Variants in PCBP3 observed in about 807,000 individuals in gnomAD.
PCBP3 encodes poly(rC) binding protein 3.
In PCBP3, 25 loss-of-function variants were observed where a neutral mutation model predicts 52.7. The ratio of observed to expected loss-of-function variants is 0.47; its 90% CI spans 0.35 to 0.66. The LOEUF (loss-of-function observed/expected upper bound fraction) is 0.66, where lower values mean the gene tolerates loss of function less well. PCBP3 is among the 30% of genes least tolerant of loss of function. PCBP3 has a pLI of 0.01. For synonymous variants in PCBP3, 162 were observed against 183.0 expected (o/e 0.89, Z 0.93); for missense variants, 391 against 490.3 (o/e 0.80, Z 1.91).
At chr21:45,901,744 A>AGAGACAGAGAGAGGAG (rs1569474835) in intron 9 of PCBP3, among the ~76,000 whole-genome samples, 10 of 86,760 alleles carry the variant, frequency 1.2e-4, no homozygotes, top group Non-Finnish European at 1.6e-4. Flanking sequence ...GAGAGACAGA[A>AGAGACAGAGAGAGGAG]AGAGAGAGAG....
chr21:45,816,309 T>G (rs1210575610), intron 4 of PCBP3, among the ~76,000 whole-genome samples: 1 of 152,110 alleles, frequency 6.6e-6, no homozygotes, highest in East Asian at 1.9e-4. Flanking sequence ...AACCTTTAGA[T>G]TTATTTTTTA....
chr21:45,776,843 C>T (rs1057000788), intron 4 of PCBP3, among the ~76,000 whole-genome samples: 1 of 152,098 alleles, frequency 6.6e-6, no homozygotes, highest in African/African-American at 2.4e-5. Flanking sequence ...GAGCATTTAA[C>T]CTGTTTGCAT....
chr21:45,799,826 G>A (rs575663835), intron 4 of PCBP3, among the ~76,000 whole-genome samples: 32 of 152,330 alleles, frequency 2.1e-4, no homozygotes, highest in Non-Finnish European at 1.2e-4. Context: ...CAAAATTAAT[G>A]CCGCAGAATA....
intron 2 of PCBP3, among the ~76,000 whole-genome samples, chr21:45,703,467 T>C (rs574208950): frequency 3.3e-5 from 5 of 152,214 alleles, no homozygotes; most frequent in Non-Finnish European, 5.9e-5. Flanking sequence ...AGCTCTTGGG[T>C]GCATTGTTCA....
chr21:45,648,932 T>G (rs755439762), intron 1 of PCBP3, among the ~76,000 whole-genome samples: 3 of 152,258 alleles, frequency 2.0e-5, no homozygotes, highest in Non-Finnish European at 4.4e-5. Context: ...GATGAACAGA[T>G]GTTCAGTTTT....
chr21:45,778,788 G>T lies in PCBP3; in HGVS notation c.-126+23336G>T, dbSNP rs143800659. ...GCTGGGTGGGCTTGTGTTCAAGCAA[G>T]ACCCCCCAGTAGTGAGGGCAGGTAC... On this transcript the variant is annotated intron_variant, in intron 4 of 17. Coordinates refer to ENST00000681687, the MANE Select transcript of PCBP3 (RefSeq NM_001384156.1). Among the ~76,000 whole-genome samples, 38 of 152,284 alleles carry T rather than the reference G, an allele frequency of 2.5e-4. No individual in the cohort carries two copies. The East Asian group carries it at 6.8e-3, about 27-fold the overall frequency.
chr21:45,839,662 T>C (rs964975), intron 4 of PCBP3, among the ~76,000 whole-genome samples: 128,866 of 152,234 alleles, frequency 0.85, 54,673 homozygotes, highest in African/African-American at 0.86. Context: ...CCTACGCTAA[T>C]GTGTGTGTTT....
intron 5 of PCBP3, among the ~76,000 whole-genome samples, chr21:45,876,772 C>T (rs1004318341): frequency 4.6e-5 from 7 of 152,268 alleles, no homozygotes; most frequent in African/African-American, 7.2e-5. Context: ...CCACCCACCC[C>T]GCACTGTGTT....
chr21:45,684,241 A>G lies in PCBP3; in HGVS notation c.-200+15289A>G, dbSNP rs556002124. ...ACCCTGTCTCTAAAAACAAAAGCAA[A>G]CAAACAAAAAAGTAATAAGGTCCTG... is the stretch of plus-strand genomic sequence containing the variant. On this transcript the variant is annotated intron_variant, in intron 2 of 17. Transcript: ENST00000681687. Among the ~76,000 whole-genome samples, 6 of 152,236 alleles carry G rather than the reference A, an allele frequency of 3.9e-5. No individual in the cohort carries two copies. The South Asian group carries it at 1.2e-3, about 32-fold the overall frequency.
intron 2 of PCBP3, among the ~76,000 whole-genome samples, chr21:45,718,935 G>A (rs2084415933): frequency 6.6e-6 from 1 of 152,168 alleles, no homozygotes; most frequent in Non-Finnish European, 1.5e-5. Context: ...GTTTGGAAAA[G>A]AACAGCAGTG....
chr21:45,899,463 C>T (rs1046005948), intron 6 of PCBP3, 136 bp from the exon 7 acceptor site: 5 of 662,368 alleles, frequency 7.5e-6, no homozygotes, highest in Non-Finnish European at 1.4e-5. Flanking sequence ...TGAATTCTCC[C>T]TTCTTCATGC....
intron 3 of PCBP3, among the ~76,000 whole-genome samples, chr21:45,745,562 A>G (rs775207032): frequency 1.3e-4 from 20 of 152,208 alleles, no homozygotes; most frequent in Non-Finnish European, 2.4e-4. Context: ...GGACAACTTC[A>G]TTTTAAGAAC....
intron 5 of PCBP3, among the ~76,000 whole-genome samples, chr21:45,856,735 G>A (rs1011550478): frequency 1.3e-5 from 2 of 152,202 alleles, no homozygotes; most frequent in Non-Finnish European, 1.5e-5. Flanking sequence ...CATGACCATG[G>A]CCTGTGACGC....
intron 4 of PCBP3, among the ~76,000 whole-genome samples, chr21:45,757,150 T>TG (rs2088134852): frequency 6.6e-6 from 1 of 152,146 alleles, no homozygotes; most frequent in Non-Finnish European, 1.5e-5. Context: ...CCCACCCACA[T>TG]GTGTGAGCGT....
At chr21:45,763,576 G>A (rs2088947075) in intron 4 of PCBP3, 1 of 152,270 alleles carries the variant, frequency 6.6e-6, no homozygotes, top group Admixed American at 6.5e-5. Flanking sequence ...ACGCCTGTAG[G>A]ATAAGAATAG....
chr21:45,937,739 G>A (rs2077030067), intron 16 of PCBP3, among the ~76,000 whole-genome samples: 1 of 152,222 alleles, frequency 6.6e-6, no homozygotes, highest in African/African-American at 2.4e-5. Context: ...CCCTTGGGCT[G>A]CAGGGCTCAG....
chr21:45,897,975 G>A (rs2095874494), intron 6 of PCBP3, among the ~76,000 whole-genome samples: 1 of 152,162 alleles, frequency 6.6e-6, no homozygotes, highest in South Asian at 2.1e-4. Flanking sequence ...GAGGCTGCCG[G>A]AGGCTCTGAG....
chr21:45,862,801 C>T (rs191479480), intron 5 of PCBP3, among the ~76,000 whole-genome samples: 33 of 152,346 alleles, frequency 2.2e-4, no homozygotes, highest in Admixed American at 2.1e-3. Context: ...TTTGCATTCA[C>T]ATTTCACTTC....
intron 15 of PCBP3, among the ~76,000 whole-genome samples, chr21:45,934,777 G>A (rs2076701019): frequency 6.6e-6 from 1 of 152,206 alleles, no homozygotes; most frequent in Admixed American, 6.5e-5. Flanking sequence ...CTGTCGGGTA[G>A]AGCCGTGTGG....
Sources: gnomAD v4.1 joint callset for allele counts (sites outside exome capture counted in the v4.1 genomes callset) on GRCh38, gnomAD v4.1.1 for gene constraint, MANE v1.5 for transcripts, NCBI Gene and HGNC (gene_info 2026-07-23, HGNC 2026-07-21) for gene names.